LAMA3: variants seen among roughly 807,000 people sequenced by gnomAD.
LAMA3 encodes the protein laminin subunit alpha 3, also known as laminin subunit alpha-3.
Under a neutral mutation model 402.0 loss-of-function variants are expected in LAMA3, and 281 were observed. The ratio of observed to expected loss-of-function variants is 0.70; its 90% CI spans 0.63 to 0.77. The LOEUF (loss-of-function observed/expected upper bound fraction) is 0.77. LAMA3 is among the 30% of genes least tolerant of loss of function. The pLI, the probability that LAMA3 is intolerant of heterozygous loss-of-function variation, is 0.00. For synonymous variants in LAMA3, 1,431 were observed against 1,558.4 expected, an observed-to-expected ratio of 0.92 and a Z score of 1.93; for missense variants, 3,840 against 4,215.5, an observed-to-expected ratio of 0.91 and a Z score of 2.47.
chr18:23,803,801 T>A (rs2062910687), intron 12 of LAMA3, among the ~76,000 whole-genome samples: 1 of 152,216 alleles, frequency 6.6e-6, no homozygotes, highest in Admixed American at 6.5e-5. Context: ...TGCCTCCATA[T>A]CTTGCAATAC....
At chr18:23,913,211 G>C (rs1291187730) in intron 56 of LAMA3, among the ~76,000 whole-genome samples, 1 of 152,176 alleles carries the variant, frequency 6.6e-6, no homozygotes, top group East Asian at 1.9e-4. Flanking sequence ...TTGTATGATT[G>C]ACACCACACC....
At chr18:23,754,680 G>A (rs755402228) in intron 6 of LAMA3, among the ~76,000 whole-genome samples, 14 of 152,040 alleles carry the variant, frequency 9.2e-5, no homozygotes, top group Non-Finnish European at 1.6e-4. Flanking sequence ...AGTATATTTT[G>A]CATACAATAA....
chr18:23,843,142 A>G (rs2063741576), intron 29 of LAMA3, among the ~76,000 whole-genome samples: 1 of 151,508 alleles, frequency 6.6e-6, no homozygotes, highest in Admixed American at 6.6e-5. Context: ...GTTCCTTCCG[A>G]TTTGACACCG....
At chr18:23,722,889 G>A (rs1483789527) in intron 2 of LAMA3, among the ~76,000 whole-genome samples, 1 of 152,146 alleles carries the variant, frequency 6.6e-6, no homozygotes, top group Non-Finnish European at 1.5e-5. Flanking sequence ...CACTTCCCAG[G>A]ATTAAGGCCA....
chr18:23,815,600 A>G lies in LAMA3; in HGVS notation c.2047+27A>G, dbSNP rs772989617. The G allele has an allele frequency of 2.8e-6, 4 of 1,434,974 alleles. No individual in the cohort carries two copies. In the South Asian group the frequency reaches 4.6e-5, roughly 16 times the overall value. 88.9% of individuals were successfully genotyped at this position (1,434,974 alleles called of 1,614,324 possible). ...TAAATAAGTCCATTGGGCCCTGAGC[A>G]AAGCACAGTGTTGATGGACAAAGAT... On this transcript the variant is annotated intron_variant, in intron 17 of 74. Transcript: ENST00000313654.
In LAMA3 at chr18:23,846,657, G is replaced by A. The variant is rs535035815; in HGVS notation, c.3931+149G>A. 6.5e-4 allele frequency: 534 copies of A among 817,102 alleles called. 2 individuals are homozygous for A. The African/African-American group carries it at 8.2e-3, about 13-fold the overall frequency. 50.6% of individuals were successfully genotyped at this position (817,102 alleles called of 1,614,324 possible). ...TTCTGATTCAGGAGACTGGGCTGGAGCCTGAGTCTCTACATTTCCAATAAG... is the reference window on the plus strand; with the variant it reads ...TTCTGATTCAGGAGACTGGGCTGGAACCTGAGTCTCTACATTTCCAATAAG... On this transcript the variant is annotated intron_variant, in intron 31 of 74. Coordinates refer to ENST00000313654, the MANE Select transcript of LAMA3 (RefSeq NM_198129.4).
intron 36 of LAMA3, among the ~76,000 whole-genome samples, chr18:23,866,272 G>A (rs941674370): frequency 4.6e-5 from 7 of 152,136 alleles, no homozygotes; most frequent in Non-Finnish European, 7.3e-5. Flanking sequence ...GCCTGAAGTC[G>A]GCTCTATTTC....
Position 23,689,896 on chromosome 18 carries a change from C to A in LAMA3, c.213C>A (p.Pro71=). 1 of 1,537,540 alleles carries A rather than the reference C, an allele frequency of 6.5e-7. No homozygotes were observed. The highest frequency in any genetic ancestry group is 1.2e-5 in the South Asian group (1 of 82,248). ...CCGCCACCTGCGGGGAGAGGGGACC[C>A]GGCGAGGGGAGGCCCCAGCCCGAGC... is the stretch of plus-strand genomic sequence containing the variant. ...WATATCGERG[P]GEGRPQPELY... is the part of the protein sequence containing the mutation. Residue 71 remains proline (P), a synonymous_variant, in exon 1 of 75, where the codon CCC becomes CCA. Transcript: ENST00000313654.
At chr18:23,940,403 C>G (rs1206731281) in intron 68 of LAMA3, among the ~76,000 whole-genome samples, 2 of 152,222 alleles carry the variant, frequency 1.3e-5, no homozygotes, top group African/African-American at 4.8e-5. Context: ...AGACCTAGGG[C>G]ATGGCAGCCC....
chr18:23,845,188 G>C (rs1228159166), intron 30 of LAMA3, 64 bp downstream of exon 30: 2 of 917,050 alleles, frequency 2.2e-6, no homozygotes, highest in East Asian at 2.5e-5. Context: ...TGACCAGCTC[G>C]AGGCCCAGGG....
chr18:23,765,984 A>G (rs1444595140), intron 8 of LAMA3, among the ~76,000 whole-genome samples: 1 of 152,130 alleles, frequency 6.6e-6, no homozygotes, highest in Non-Finnish European at 1.5e-5. Context: ...ATAGCTAAAG[A>G]TGTAAGGAAC....
At position 23,839,033 on chromosome 18, in the gene LAMA3, A is replaced by G. The variant is rs1481950714; in HGVS notation, c.3191+155A>G. ...AAACAGAAAGAAAAACCAGCTAAAT[A>G]ATTTACCCCAGCAGTTTTTCCAGAA... On this transcript the variant is annotated intron_variant, in intron 26 of 74. Transcript: ENST00000313654. This position sits in a 1 kb window ranked among gnomAD's most constrained non-coding sequence, Gnocchi z 4.5. Among the ~76,000 whole-genome samples the G allele has an allele frequency of 6.6e-6, 1 of 152,190 alleles. No individual in the cohort carries two copies. Among genetic ancestry groups the G allele is most frequent in the Non-Finnish European group, 1.5e-5 (1 of 68,034 alleles).
chr18:23,883,059 G>A (rs1287207591), intron 40 of LAMA3, among the ~76,000 whole-genome samples: 1 of 152,164 alleles, frequency 6.6e-6, no homozygotes, highest in Non-Finnish European at 1.5e-5. Flanking sequence ...AGAAGGAAAA[G>A]GCCTGTGACA....
chr18:23,869,043 G>A (rs192255887), intron 37 of LAMA3, among the ~76,000 whole-genome samples: 2 of 152,256 alleles, frequency 1.3e-5, no homozygotes, highest in Admixed American at 6.5e-5. Context: ...GTATCATATT[G>A]TATGATTCTA....
Position 23,884,761 on chromosome 18 carries a change from T to C in LAMA3, c.5223-12T>C. ...GTGTTTTTGATGGGGCCTTTTTCTG[T>C]CTTCTTTCAAGCTTTGCCACTGGCT... On this transcript the variant is annotated splice_polypyrimidine_tract_variant and intron_variant, in intron 40 of 74. Transcript: ENST00000313654. 6.2e-7 allele frequency: 1 copy of C among 1,612,260 alleles called. No individual in the cohort carries two copies. Among genetic ancestry groups the C allele is most frequent in the Non-Finnish European group, 8.5e-7 (1 of 1,178,338 alleles).
At chr18:23,796,440 C>T (rs1249322608) in intron 12 of LAMA3, among the ~76,000 whole-genome samples, 1 of 152,118 alleles carries the variant, frequency 6.6e-6, no homozygotes, top group Non-Finnish European at 1.5e-5. Flanking sequence ...GGTGCCATAG[C>T]CAAGACAGGG....
chr18:23,813,773 C>T (rs1056829056), intron 14 of LAMA3, among the ~76,000 whole-genome samples: 2 of 152,152 alleles, frequency 1.3e-5, no homozygotes, highest in Non-Finnish European at 2.9e-5. Context: ...AACTCCTGAC[C>T]TCAGGTGATC....
intron 20 of LAMA3, 135 bp downstream of exon 20, chr18:23,822,510 C>G: frequency 1.1e-6 from 1 of 903,660 alleles, no homozygotes; most frequent in Non-Finnish European, 1.8e-6. Context: ...AGACGGTTCT[C>G]TAGGAGCCCT....
intron 32 of LAMA3, among the ~76,000 whole-genome samples, chr18:23,851,690 A>G (rs1431371304): frequency 6.6e-6 from 1 of 152,102 alleles, no homozygotes; most frequent in Non-Finnish European, 1.5e-5. Flanking sequence ...TCACTCCTGG[A>G]TGATTCCCAG....
Sources: allele counts gnomAD v4.1 joint callset (sites outside exome capture counted in the v4.1 genomes callset), GRCh38; gene constraint gnomAD v4.1.1; non-coding constraint Gnocchi (gnomAD v3.1); transcripts MANE v1.5; gene names NCBI Gene and HGNC (gene_info 2026-07-23, HGNC 2026-07-21).